MARCHF10: variants seen among roughly 807,000 people sequenced by gnomAD.
MARCHF10 encodes the protein membrane associated ring-CH-type finger 10.
Under a neutral mutation model 76.2 loss-of-function variants are expected in MARCHF10, and 64 were observed. That is an observed-to-expected ratio of 0.84 (90% CI 0.69 to 1.03). The LOEUF is 1.03. Among genes scored for constraint, MARCHF10 ranks in the 50% least tolerant of loss-of-function variants. The pLI is 0.00. For synonymous variants in MARCHF10, 340 were observed against 357.5 expected (o/e 0.95, Z 0.55); for missense variants, 875 against 958.0 (o/e 0.91, Z 1.14).
chr17:62,779,573 G>A (rs1332789367), intron 3 of MARCHF10, among the ~76,000 whole-genome samples: 1 of 152,150 alleles, frequency 6.6e-6, no homozygotes, highest in Non-Finnish European at 1.5e-5. Flanking sequence ...AATGCAAATC[G>A]AGCCAGCCTC....
intron 3 of MARCHF10, among the ~76,000 whole-genome samples, chr17:62,764,709 T>C (rs4968629): frequency 0.5 from 75,515 of 152,098 alleles, 20,301 homozygotes; most frequent in East Asian, 0.7. Flanking sequence ...GCATTCTGGA[T>C]AGGACGGCTA....
chr17:62,750,905 G>A (rs995119948), intron 4 of MARCHF10, among the ~76,000 whole-genome samples: 16 of 152,158 alleles, frequency 1.1e-4, no homozygotes, highest in Non-Finnish European at 1.3e-4. Flanking sequence ...ATGGCGCCCC[G>A]CAGGGTCTCA....
chr17:62,741,197 TATATA>T (rs2091491606), intron 5 of MARCHF10, among the ~76,000 whole-genome samples: 2 of 152,202 alleles, frequency 1.3e-5, no homozygotes, highest in African/African-American at 4.8e-5. Flanking sequence ...AGTATAAAGG[TATATA>T]TTATAATTTG....
intron 5 of MARCHF10, among the ~76,000 whole-genome samples, chr17:62,741,625 CT>C: frequency 6.6e-6 from 1 of 152,284 alleles, no homozygotes; most frequent in South Asian, 2.1e-4. Flanking sequence ...TGAGGTTGAA[CT>C]TTTTAAAAAA....
chr17:62,739,693 T>C (rs1251522078), intron 5 of MARCHF10, among the ~76,000 whole-genome samples: 1 of 151,720 alleles, frequency 6.6e-6, no homozygotes, highest in Non-Finnish European at 1.5e-5. Context: ...CTGATGACTT[T>C]TTGTTTTGAA....
At chr17:62,774,049 G>C (rs2092499407) in intron 3 of MARCHF10, among the ~76,000 whole-genome samples, 1 of 152,174 alleles carries the variant, frequency 6.6e-6, no homozygotes, top group Non-Finnish European at 1.5e-5. Context: ...GTGTGGAGCG[G>C]ACAATCACAG....
chr17:62,736,785 C>T lies in MARCHF10; in HGVS notation c.1083G>A (p.Glu361=). The T allele has an allele frequency of 6.2e-7, 1 of 1,614,184 alleles. No individual in the cohort carries two copies. The highest frequency in any genetic ancestry group is 8.5e-7 in the Non-Finnish European group (1 of 1,180,028). The part of the protein sequence containing the change: ...HGSLRISNAM[E]PATERPSAGQ... ...CAGCAGAAGGCCGCTCTGTTGCTGGCTCCATTGCATTGCTTATTCTCAATG... is the reference window on the plus strand; with the variant it reads ...CAGCAGAAGGCCGCTCTGTTGCTGGTTCCATTGCATTGCTTATTCTCAATG... Residue 361 remains glutamate, a synonymous_variant, in exon 6 of 11, where the codon GAG becomes GAA. Transcript: ENST00000311269.
chr17:62,732,457 G>A (rs1179280239), intron 6 of MARCHF10, among the ~76,000 whole-genome samples: 1 of 152,204 alleles, frequency 6.6e-6, no homozygotes, highest in Non-Finnish European at 1.5e-5. Context: ...AGGAGAGGTG[G>A]CTGTGCAGAT....
intron 7 of MARCHF10, 108 bp downstream of exon 7, chr17:62,724,830 G>A: frequency 8.1e-7 from 1 of 1,232,142 alleles, no homozygotes; most frequent in Non-Finnish European, 1.1e-6. Context: ...CTGAGTCGCT[G>A]TTCTGCGGAG....
intron 3 of MARCHF10, among the ~76,000 whole-genome samples, chr17:62,770,830 C>A (rs561146306): frequency 6.6e-6 from 1 of 150,568 alleles, no homozygotes; most frequent in South Asian, 2.1e-4. Context: ...CGTGAGCCAC[C>A]GCACCTGGTC....
At chr17:62,771,993 G>A (rs1420478970) in intron 3 of MARCHF10, among the ~76,000 whole-genome samples, 1 of 152,200 alleles carries the variant, frequency 6.6e-6, no homozygotes. Context: ...TGGCAGACAA[G>A]ATGATCCAGA....
At chr17:62,761,668 C>T (rs2092206530) in intron 3 of MARCHF10, among the ~76,000 whole-genome samples, 1 of 152,170 alleles carries the variant, frequency 6.6e-6, no homozygotes, top group African/African-American at 2.4e-5. Flanking sequence ...GTGATCAACC[C>T]ATCTCAGCCT....
In MARCHF10 at chr17:62,801,222, G is replaced by A. The variant is rs188118953; in HGVS notation, c.90+424C>T. 9.1e-4 allele frequency among the ~76,000 whole-genome samples: 139 copies of A among 152,182 alleles called. 1 individual carries two copies. Among genetic ancestry groups the A allele is most frequent in the Non-Finnish European group, 1.7e-3 (114 of 68,022 alleles). On this transcript the variant is annotated intron_variant, in intron 2 of 10. Coordinates refer to ENST00000311269, the MANE Select transcript of MARCHF10 (RefSeq NM_152598.4). The stretch of plus-strand genomic sequence containing the variant: ...TGCCCAGGCTAAAGTGCAGTGGCGC[G>A]ATCTCGGCTTACTGCAACCTCTGCC...
chr17:62,726,653 G>A (rs555595754), intron 6 of MARCHF10, among the ~76,000 whole-genome samples: 77 of 152,268 alleles, frequency 5.1e-4, no homozygotes, highest in African/African-American at 1.8e-3. Context: ...TTTGTTTTGA[G>A]ATGGAGTCTT....
chr17:62,794,945 AAC>A, intron 2 of MARCHF10: 1 of 867,610 alleles, frequency 1.2e-6, no homozygotes, highest in Non-Finnish European at 1.4e-6. Context: ...AAGGCATAAA[AAC>A]AGTTTGAGAT....
In MARCHF10 at chr17:62,784,505, T is replaced by C. The variant is rs1296172178; in HGVS notation, c.210+3975A>G. Among the ~76,000 whole-genome samples the C allele has an allele frequency of 3.3e-5, 5 of 152,150 alleles. No individual in the cohort carries two copies. In the South Asian group the frequency reaches 8.3e-4, roughly 25 times the overall value. On this transcript the variant is annotated intron_variant, in intron 3 of 10. Coordinates refer to ENST00000311269, the MANE Select transcript of MARCHF10 (RefSeq NM_152598.4). ...CTCTCACCACTCTTATTGAACATAG[T>C]GTTGGAAGTTCTGGCCAGGGCAATC...
At chr17:62,748,605 G>A (rs549698736) in intron 4 of MARCHF10, among the ~76,000 whole-genome samples, 38 of 152,100 alleles carry the variant, frequency 2.5e-4, no homozygotes, top group African/African-American at 9.2e-4. Context: ...TTAGCTGGGT[G>A]TGCTGGCACA....
At chr17:62,714,900 C>T (rs1216770475) in intron 8 of MARCHF10, among the ~76,000 whole-genome samples, 1 of 152,100 alleles carries the variant, frequency 6.6e-6, no homozygotes, top group African/African-American at 2.4e-5. Flanking sequence ...TGTGTGCCAC[C>T]ACTCCCAGCT....
rs1298634983 is a variant in MARCHF10 at position 62,711,855 on chromosome 17, GC to G, written c.2215-512del. ...AAAGGCTTCCTGAGGAGCCTCCTTT[GC>G]CCCCATCATTCCTTTGCTTCCCAGT... On this transcript the variant is annotated intron_variant, in intron 8 of 10. Transcript: ENST00000311269. The surrounding 1 kb of genome is among the most constrained non-coding windows in gnomAD (Gnocchi z 4.4). 1.3e-5 allele frequency among the ~76,000 whole-genome samples: 2 copies of G among 152,184 alleles called. No individual in the cohort carries two copies. The highest frequency in any genetic ancestry group is 2.9e-5 in the Non-Finnish European group (2 of 68,030).
Sources: gnomAD v4.1 joint callset for allele counts (sites outside exome capture counted in the v4.1 genomes callset) on GRCh38, gnomAD v4.1.1 for gene constraint, Gnocchi (gnomAD v3.1) non-coding constraint, MANE v1.5 for transcripts, NCBI Gene and HGNC (gene_info 2026-07-23, HGNC 2026-07-21) for gene names.